Variants in LRRTM4 observed in about 807,000 individuals in gnomAD.
The protein encoded by LRRTM4 is leucine rich repeat transmembrane neuronal 4, also known as leucine-rich repeat transmembrane neuronal protein 4.
In LRRTM4, 25 loss-of-function variants were observed where a neutral mutation model predicts 47.6. The ratio of observed to expected loss-of-function variants is 0.53; its 90% confidence interval spans 0.38 to 0.73. LRRTM4 has a LOEUF of 0.73. Ranked by LOEUF, LRRTM4 falls within the 30% of genes least tolerant of loss-of-function variation. The probability of loss-of-function intolerance (pLI) is 0.00; values close to 1 mark genes in which losing one functional copy is unlikely to be tolerated. For missense variants in LRRTM4, 638 were observed against 713.4 expected (o/e 0.89, Z 1.20); for synonymous variants, 311 against 269.5 (o/e 1.15, Z -1.51).
At chr2:77,311,089 A>G (rs1420522772) in intron 3 of LRRTM4, among the ~76,000 whole-genome samples, 2 of 152,146 alleles carry the variant, frequency 1.3e-5, no homozygotes, top group Non-Finnish European at 2.9e-5. Flanking sequence ...GACCTAAAAT[A>G]GACTTTTAAA....
At chr2:77,456,022 C>T (rs1676524848) in intron 3 of LRRTM4, among the ~76,000 whole-genome samples, 1 of 152,110 alleles carries the variant, frequency 6.6e-6, no homozygotes, top group African/African-American at 2.4e-5. Flanking sequence ...TTAGTGTGCA[C>T]TCCTTGTCAA....
intron 3 of LRRTM4, among the ~76,000 whole-genome samples, chr2:77,170,713 G>A (rs1673022030): frequency 6.6e-6 from 1 of 152,044 alleles, no homozygotes; most frequent in African/African-American, 2.4e-5. Context: ...GAGCCAAGCA[G>A]GTAATGTGAA....
chr2:76,785,980 C>T (rs528155845), intron 3 of LRRTM4, among the ~76,000 whole-genome samples: 4 of 152,198 alleles, frequency 2.6e-5, no homozygotes, highest in African/African-American at 9.6e-5. Context: ...GACTTCTGAA[C>T]AATATGCAAT....
chr2:77,161,380 A>G (rs1188942815), intron 3 of LRRTM4, among the ~76,000 whole-genome samples: 2 of 152,120 alleles, frequency 1.3e-5, no homozygotes, highest in African/African-American at 4.8e-5. Flanking sequence ...CAGTCAAATC[A>G]TTCTTTTAAA....
At chr2:77,049,513 C>G (rs971555500) in intron 3 of LRRTM4, among the ~76,000 whole-genome samples, 5 of 151,462 alleles carry the variant, frequency 3.3e-5, no homozygotes, top group Non-Finnish European at 2.9e-5. Context: ...GTATCTCATT[C>G]TGATTTTGAT....
chr2:76,856,264 G>A (rs1015469556), intron 3 of LRRTM4, among the ~76,000 whole-genome samples: 6 of 152,098 alleles, frequency 3.9e-5, no homozygotes, highest in African/African-American at 1.4e-4. Flanking sequence ...GTGACAGAGT[G>A]AGACTTCGTC....
At chr2:77,206,449 T>C (rs755259319) in intron 3 of LRRTM4, among the ~76,000 whole-genome samples, 24 of 151,960 alleles carry the variant, frequency 1.6e-4, no homozygotes, top group Non-Finnish European at 3.1e-4. Context: ...CCTCCTAAAG[T>C]GCTGGGATTA....
At chr2:77,166,395 G>A (rs980633112) in intron 3 of LRRTM4, among the ~76,000 whole-genome samples, 1 of 152,124 alleles carries the variant, frequency 6.6e-6, no homozygotes, top group African/African-American at 2.4e-5. Context: ...GATAATTATA[G>A]ATTCAATGTC....
At chr2:77,319,655 C>T (rs1677729857) in intron 3 of LRRTM4, among the ~76,000 whole-genome samples, 1 of 152,244 alleles carries the variant, frequency 6.6e-6, no homozygotes, top group South Asian at 2.1e-4. Flanking sequence ...GATTTTCTGG[C>T]GTACAGGCTT....
chr2:77,357,948 T>C (rs534665769), intron 3 of LRRTM4, among the ~76,000 whole-genome samples: 4 of 152,236 alleles, frequency 2.6e-5, no homozygotes, highest in South Asian at 2.1e-4. Flanking sequence ...TCATGAATAA[T>C]GTGTTTAAAT....
chr2:77,062,732 T>C (rs1460623595), intron 3 of LRRTM4, among the ~76,000 whole-genome samples: 2 of 152,146 alleles, frequency 1.3e-5, no homozygotes, highest in African/African-American at 2.4e-5. Context: ...ATGTATCTTA[T>C]TGTTGCCTCC....
In LRRTM4 at chr2:77,501,670, T is replaced by C. The variant is rs1573500324; in HGVS notation, c.1551+16648A>G. Among the ~76,000 whole-genome samples the C allele has an allele frequency of 3.3e-5, 5 of 151,024 alleles. No homozygotes were observed. The South Asian group carries it at 8.3e-4, about 25-fold the overall frequency. On this transcript the variant is annotated intron_variant, in intron 3 of 3. Coordinates refer to ENST00000409884, the MANE Select transcript of LRRTM4 (RefSeq NM_001134745.3). The stretch of plus-strand genomic sequence containing the variant: ...TGAAATTAATTTTCTAATCATACAA[T>C]CAAATCCTACCTAAAATAATTAAAA...
chr2:76,951,670 T>G (rs1267078313), intron 3 of LRRTM4, among the ~76,000 whole-genome samples: 1 of 151,912 alleles, frequency 6.6e-6, no homozygotes, highest in Non-Finnish European at 1.5e-5. Context: ...AACATGCAGG[T>G]TTGTTACATA....
chr2:77,104,340 C>T (rs367910841), intron 3 of LRRTM4, among the ~76,000 whole-genome samples: 2 of 152,276 alleles, frequency 1.3e-5, no homozygotes, highest in Admixed American at 6.5e-5. Flanking sequence ...TCAATTCACT[C>T]TCCACGTGGT....
At chr2:77,351,744 G>T (rs546035584) in intron 3 of LRRTM4, among the ~76,000 whole-genome samples, 2 of 151,452 alleles carry the variant, frequency 1.3e-5, no homozygotes, top group African/African-American at 4.8e-5. Flanking sequence ...CAGACTACTT[G>T]GTAGTTAATG....
intron 3 of LRRTM4, among the ~76,000 whole-genome samples, chr2:77,011,188 A>G (rs990371400): frequency 6.6e-6 from 1 of 152,196 alleles, no homozygotes; most frequent in African/African-American, 2.4e-5. Context: ...AACACAGTTT[A>G]GCCCAATATT....
chr2:76,920,781 T>G (rs1674408239), intron 3 of LRRTM4, among the ~76,000 whole-genome samples: 1 of 152,134 alleles, frequency 6.6e-6, no homozygotes, highest in Non-Finnish European at 1.5e-5. Flanking sequence ...TGCCTTCTAC[T>G]TCATTCGCTA....
At chr2:76,855,074 C>G (rs945574708) in intron 3 of LRRTM4, among the ~76,000 whole-genome samples, 1 of 152,100 alleles carries the variant, frequency 6.6e-6, no homozygotes, top group Non-Finnish European at 1.5e-5. Flanking sequence ...AGAAATGTTT[C>G]ACTAATTGGA....
chr2:77,106,510 G>A (rs1445359999), intron 3 of LRRTM4, among the ~76,000 whole-genome samples: 1 of 151,764 alleles, frequency 6.6e-6, no homozygotes, highest in East Asian at 1.9e-4. Context: ...ATCTTTGAGG[G>A]ATAGAAATAC....
Sources: allele counts gnomAD v4.1 joint callset (sites outside exome capture counted in the v4.1 genomes callset), GRCh38; gene constraint gnomAD v4.1.1; transcripts MANE v1.5; gene names NCBI Gene and HGNC (gene_info 2026-07-23, HGNC 2026-07-21).